The following WWOX variants were observed in gnomAD, a reference collection of about 807,000 sequenced individuals.
WWOX encodes WW domain-containing oxidoreductase.
WWOX carries 69 observed loss-of-function variants against 46.2 expected under a neutral mutation model. The ratio of observed to expected loss-of-function variants is 1.49; its 90% CI spans 1.23 to 1.82. The LOEUF (loss-of-function observed/expected upper bound fraction) is 1.82. WWOX is among the 40% of genes most tolerant of loss of function. The probability of loss-of-function intolerance (pLI) is 0.00; values close to 1 mark genes in which losing one functional copy is unlikely to be tolerated. For missense variants in WWOX, 919 were observed against 542.6 expected (o/e 1.69, Z -6.89); for synonymous variants, 359 against 202.6 (o/e 1.77, Z -6.56).
intron 8 of WWOX, among the ~76,000 whole-genome samples, chr16:78,983,122 C>G (rs2046715394): frequency 6.6e-6 from 1 of 152,112 alleles, no homozygotes; most frequent in African/African-American, 2.4e-5. Context: ...AGAATAGCAT[C>G]CAAACATCTT....
chr16:78,423,808 T>G lies in WWOX; in HGVS notation c.606-1062T>G, dbSNP rs565293646. Reference sequence around the variant, plus strand: ...CTGCAGTGAGTTATGACCACACCACTGCACTCCAGCCTGGATGACAGAGAA... The same window carrying G: ...CTGCAGTGAGTTATGACCACACCACGGCACTCCAGCCTGGATGACAGAGAA... On this transcript the variant is annotated intron_variant, in intron 6 of 8. Coordinates refer to ENST00000566780, the MANE Select transcript of WWOX (RefSeq NM_016373.4). Among the ~76,000 whole-genome samples the G allele has an allele frequency of 1.1e-4, 16 of 147,972 alleles. No homozygotes were observed. The South Asian group carries it at 3.4e-3, about 31-fold the overall frequency.
At chr16:78,531,991 G>A (rs939904829) in intron 8 of WWOX, among the ~76,000 whole-genome samples, 1 of 151,814 alleles carries the variant, frequency 6.6e-6, no homozygotes, top group Non-Finnish European at 1.5e-5. Context: ...AAACAAATAA[G>A]TTTTGGGTTG....
chr16:78,726,022 C>T (rs2048823321), intron 8 of WWOX, among the ~76,000 whole-genome samples: 1 of 148,912 alleles, frequency 6.7e-6, no homozygotes, highest in Non-Finnish European at 1.5e-5. Flanking sequence ...TGTTCTCCTT[C>T]TAGTTCTCCT....
intron 8 of WWOX, among the ~76,000 whole-genome samples, chr16:78,828,686 C>T (rs964669588): frequency 2.0e-5 from 3 of 152,038 alleles, no homozygotes; most frequent in Non-Finnish European, 4.4e-5. Flanking sequence ...TATGTGTGTG[C>T]CAATTATGTG....
At chr16:78,633,506 C>G (rs907553510) in intron 8 of WWOX, among the ~76,000 whole-genome samples, 1 of 152,108 alleles carries the variant, frequency 6.6e-6, no homozygotes, top group South Asian at 2.1e-4. Flanking sequence ...AGGTCCTGCC[C>G]GTGTTCTCTA....
chr16:79,079,769 G>C (rs1395193243), intron 8 of WWOX, among the ~76,000 whole-genome samples: 1 of 152,158 alleles, frequency 6.6e-6, no homozygotes, highest in East Asian at 1.9e-4. Context: ...TTATTTTGCA[G>C]ACACAACAAA....
In WWOX at chr16:79,212,501, G is replaced by A. The variant is rs962738762; in HGVS notation, c.*705G>A. The A allele has an allele frequency of 3.9e-5, 8 of 204,566 alleles. No homozygotes were observed. Among genetic ancestry groups the A allele is most frequent in the Non-Finnish European group, 6.0e-5 (6 of 99,836 alleles). 12.7% of individuals were successfully genotyped at this position (204,566 alleles called of 1,614,324 possible). A position where few individuals can be genotyped will look rare whatever the true frequency, so the allele number is the denominator to read the frequency against. On this transcript the variant is annotated 3_prime_UTR_variant, in exon 9 of 9. Transcript: ENST00000566780. The stretch of plus-strand genomic sequence containing the variant: ...TACCTTGAAAGGCAGGAAGGGAAGC[G>A]TATATACTTAAGAATACACAGGATA...
chr16:78,774,315 C>T (rs964789080), intron 8 of WWOX, among the ~76,000 whole-genome samples: 2 of 152,100 alleles, frequency 1.3e-5, no homozygotes, highest in Non-Finnish European at 1.5e-5. Context: ...AAAGGAGAAT[C>T]GCTTGAATCA....
At chr16:78,925,477 T>A (rs1236131938) in intron 8 of WWOX, among the ~76,000 whole-genome samples, 1 of 152,236 alleles carries the variant, frequency 6.6e-6, no homozygotes, top group Non-Finnish European at 1.5e-5. Flanking sequence ...ATTTCAAACA[T>A]GTCCTGCTTT....
Position 78,415,190 on chromosome 16 carries a change from G to C in WWOX, c.606-9680G>C, listed in dbSNP as rs77213606. On this transcript the variant is annotated intron_variant, in intron 6 of 8. Coordinates refer to ENST00000566780, the MANE Select transcript of WWOX (RefSeq NM_016373.4). The stretch of plus-strand genomic sequence containing the variant: ...GGAAAGGGGTAGGCAGTTCCCGGAA[G>C]TGAGGGTTCTTCCCCTTTTTAGACC... Among the ~76,000 whole-genome samples, 1,486 of 151,812 alleles carry C rather than the reference G, an allele frequency of 9.8e-3. 21 individuals are homozygous for C. The highest frequency in any genetic ancestry group is 0.033 in the African/African-American group (1,354 of 41,410).
chr16:78,913,148 A>T (rs899481832), intron 8 of WWOX, among the ~76,000 whole-genome samples: 30 of 152,122 alleles, frequency 2.0e-4, no homozygotes, highest in African/African-American at 7.0e-4. Flanking sequence ...GATTTCGATC[A>T]TGGCAGTTGC....
At chr16:78,728,683 C>T (rs148801729) in intron 8 of WWOX, among the ~76,000 whole-genome samples, 12 of 152,312 alleles carry the variant, frequency 7.9e-5, no homozygotes, top group African/African-American at 2.6e-4. Context: ...CTTTGACAAC[C>T]ACAGGTCTAC....
intron 8 of WWOX, among the ~76,000 whole-genome samples, chr16:79,124,068 C>G (rs557240904): frequency 6.6e-6 from 1 of 151,424 alleles, no homozygotes; most frequent in African/African-American, 2.4e-5. Flanking sequence ...AGTGTGGACT[C>G]GGAGCACTCG....
intron 8 of WWOX, among the ~76,000 whole-genome samples, chr16:78,829,024 C>T (rs546336795): frequency 4.6e-5 from 7 of 152,264 alleles, no homozygotes; most frequent in Admixed American, 4.6e-4. Flanking sequence ...CCTTGCCATT[C>T]CACCCCATCA....
chr16:78,653,701 T>C (rs545183912), intron 8 of WWOX, among the ~76,000 whole-genome samples: 2 of 152,360 alleles, frequency 1.3e-5, no homozygotes, highest in East Asian at 3.9e-4. Flanking sequence ...TGTGGCATTT[T>C]AGAGCCACTG....
chr16:78,446,946 C>A (rs1478651297), intron 8 of WWOX, among the ~76,000 whole-genome samples: 1 of 152,108 alleles, frequency 6.6e-6, no homozygotes, highest in Non-Finnish European at 1.5e-5. Context: ...CAGGTGTGAG[C>A]CACTGCCAAT....
intron 1 of WWOX, among the ~76,000 whole-genome samples, chr16:78,104,349 A>G (rs910111464): frequency 1.5e-5 from 2 of 134,908 alleles, no homozygotes; most frequent in Non-Finnish European, 1.7e-5. Context: ...GCACGCACGC[A>G]TGCACGCACA....
rs141408588 is a variant in WWOX at position 78,732,020 on chromosome 16, AAAAC to A, written c.1056+299280_1056+299283del. On this transcript the variant is annotated intron_variant, in intron 8 of 8. Transcript: ENST00000566780. ...CACTACCATGCCCAGTGAATTTAAA[AAAAC>A]AAACAAACAAAACACTTTTTGTAGA... is the stretch of plus-strand genomic sequence containing the variant. 5.7e-3 allele frequency among the ~76,000 whole-genome samples: 873 copies of A among 151,966 alleles called. 7 individuals are homozygous for A. The highest frequency in any genetic ancestry group is 0.019 in the African/African-American group (789 of 41,428).
intron 8 of WWOX, among the ~76,000 whole-genome samples, chr16:78,856,880 T>C (rs988918467): frequency 1.4e-4 from 21 of 152,194 alleles, no homozygotes; most frequent in African/African-American, 5.1e-4. Context: ...TCATAGAGTA[T>C]ACCTATACAA....
Sources: gnomAD v4.1 joint callset for allele counts (sites outside exome capture counted in the v4.1 genomes callset) on GRCh38, gnomAD v4.1.1 for gene constraint, MANE v1.5 for transcripts, NCBI Gene and HGNC (gene_info 2026-07-23, HGNC 2026-07-21) for gene names.